PEAK1: variants seen among roughly 807,000 people sequenced by gnomAD.
PEAK1 encodes pseudopodium enriched atypical kinase 1, also known as inactive tyrosine-protein kinase PEAK1.
PEAK1 carries 54 observed loss-of-function variants against 124.7 expected under a neutral mutation model. That is an observed-to-expected ratio of 0.43 (90% CI 0.35 to 0.54). The LOEUF is 0.54. PEAK1 is among the 20% of genes least tolerant of loss of function. PEAK1 has a pLI of 0.01. For missense variants in PEAK1, 2,046 were observed against 2,134.5 expected, an observed-to-expected ratio of 0.96 and a Z score of 0.82; for synonymous variants, 719 against 760.0, an observed-to-expected ratio of 0.95 and a Z score of 0.89.
At chr15:77,136,198 T>C (rs769993815) in intron 8 of PEAK1, among the ~76,000 whole-genome samples, 25 of 152,188 alleles carry the variant, frequency 1.6e-4, no homozygotes, top group Non-Finnish European at 2.9e-4. Flanking sequence ...TGTTATGTTT[T>C]AGCAAAGAGA....
At chr15:77,340,180 A>G (rs1418790124) in intron 2 of PEAK1, among the ~76,000 whole-genome samples, 1 of 152,250 alleles carries the variant, frequency 6.6e-6, no homozygotes, top group Non-Finnish European at 1.5e-5. Flanking sequence ...GCAAATGTTT[A>G]TAGAAGTTTT....
rs547795302 is a variant in PEAK1 at position 77,417,018 on chromosome 15, T to C, written c.-666+2988A>G. ...TGGTATAAGATGTACTTTCCCTCTT[T>C]CTGGACCTAGTTAACTCTTACCTAT... On this transcript the variant is annotated intron_variant, in intron 1 of 9. Transcript: ENST00000682557. Among the ~76,000 whole-genome samples the C allele has an allele frequency of 3.9e-5, 6 of 152,266 alleles. No individual in the cohort carries two copies. In the South Asian group the frequency reaches 1.2e-3, roughly 32 times the overall value.
At chr15:77,215,156 T>C (rs777534063) in intron 6 of PEAK1, among the ~76,000 whole-genome samples, 1 of 152,222 alleles carries the variant, frequency 6.6e-6, no homozygotes, top group Non-Finnish European at 1.5e-5. Flanking sequence ...AGATAAGTGA[T>C]GTTAAGTGTC....
At chr15:77,278,093 T>C (rs2062432441) in intron 5 of PEAK1, among the ~76,000 whole-genome samples, 1 of 152,162 alleles carries the variant, frequency 6.6e-6, no homozygotes, top group Non-Finnish European at 1.5e-5. Context: ...GGGAATGCTA[T>C]ACGCTCGTGG....
chr15:77,419,831 G>T (rs919225833), intron 1 of PEAK1, among the ~76,000 whole-genome samples, 175 bp downstream of exon 1: 14 of 148,460 alleles, frequency 9.4e-5, no homozygotes, highest in Non-Finnish European at 1.5e-4. Context: ...GGACGCACCG[G>T]CCGCCAGAGC....
intron 7 of PEAK1, among the ~76,000 whole-genome samples, chr15:77,177,227 A>ATTTC (rs1369955398): frequency 6.6e-6 from 1 of 152,116 alleles, no homozygotes; most frequent in African/African-American, 2.4e-5. Flanking sequence ...AAGTGCTGGG[A>ATTTC]TTTCAGGTGT....
At chr15:77,232,200 T>C (rs981909184) in intron 6 of PEAK1, among the ~76,000 whole-genome samples, 7 of 152,130 alleles carry the variant, frequency 4.6e-5, no homozygotes, top group African/African-American at 1.4e-4. Context: ...ATCATCATGT[T>C]TTCCATTTTG....
chr15:77,202,979 G>A (rs868450994), intron 6 of PEAK1, among the ~76,000 whole-genome samples: 2 of 151,044 alleles, frequency 1.3e-5, no homozygotes, highest in Non-Finnish European at 2.9e-5. Flanking sequence ...AGAGATTGCA[G>A]TGAGCTATGA....
intron 8 of PEAK1, among the ~76,000 whole-genome samples, chr15:77,154,214 C>T (rs932995038): frequency 9.2e-5 from 14 of 152,156 alleles, no homozygotes; most frequent in African/African-American, 2.9e-4. Flanking sequence ...TCTTATTTTT[C>T]AATTGATCCC....
At chr15:77,235,097 T>C (rs139890129) in intron 6 of PEAK1, among the ~76,000 whole-genome samples, 2 of 152,192 alleles carry the variant, frequency 1.3e-5, no homozygotes, top group Admixed American at 6.5e-5. Context: ...TTCCCAGCCA[T>C]GCAAAACTGT....
chr15:77,404,723 T>A (rs1595862315), intron 1 of PEAK1: 1 of 943,542 alleles, frequency 1.1e-6, no homozygotes, highest in East Asian at 1.2e-4. Flanking sequence ...AAGTAGGAGG[T>A]AGGATTTATT....
chr15:77,402,284 T>G (rs941755216), intron 1 of PEAK1: 3 of 985,034 alleles, frequency 3.0e-6, no homozygotes, highest in Non-Finnish European at 1.2e-6. Context: ...GTAATAGAAT[T>G]GCTTTAAAAT....
chr15:77,334,186 A>C (rs1464139279), intron 2 of PEAK1: 2 of 978,482 alleles, frequency 2.0e-6, no homozygotes, highest in African/African-American at 3.5e-5. Context: ...AATATTGAGA[A>C]AGTACTGACT....
At chr15:77,154,726 A>G (rs1365060427) in intron 8 of PEAK1, among the ~76,000 whole-genome samples, 2 of 151,814 alleles carry the variant, frequency 1.3e-5, no homozygotes, top group Non-Finnish European at 2.9e-5. Flanking sequence ...AAAGTATTTT[A>G]TTTCTCCTTC....
At chr15:77,104,419 G>A (rs915021024), downstream of PEAK1, 3 of 152,562 alleles carry the variant, frequency 2.0e-5, no homozygotes, top group Non-Finnish European at 2.9e-5. Flanking sequence ...CAGGCCAGGA[G>A]CTGAAGCTGG....
intron 6 of PEAK1, among the ~76,000 whole-genome samples, chr15:77,234,707 C>G (rs2060042030): frequency 1.3e-5 from 2 of 151,918 alleles, no homozygotes; most frequent in Admixed American, 1.3e-4. Flanking sequence ...AAGATCATAG[C>G]TCACTGCAGA....
intron 2 of PEAK1, among the ~76,000 whole-genome samples, chr15:77,358,846 A>G (rs1166101995): frequency 6.6e-6 from 1 of 152,220 alleles, no homozygotes; most frequent in Non-Finnish European, 1.5e-5. Context: ...TGAACACACA[A>G]GTTGTGAAAT....
At chr15:77,320,929 G>A (rs899980701) in intron 2 of PEAK1, among the ~76,000 whole-genome samples, 4 of 151,798 alleles carry the variant, frequency 2.6e-5, no homozygotes, top group African/African-American at 7.3e-5. Flanking sequence ...TTGTCCTTGC[G>A]ACACTTTGCT....
intron 5 of PEAK1, among the ~76,000 whole-genome samples, chr15:77,252,973 G>T (rs1455307218): frequency 6.6e-6 from 1 of 152,084 alleles, no homozygotes; most frequent in Non-Finnish European, 1.5e-5. Flanking sequence ...TAGCCACTTT[G>T]CAGTTTTAGT....
Sources: allele counts gnomAD v4.1 joint callset (sites outside exome capture counted in the v4.1 genomes callset), GRCh38; gene constraint gnomAD v4.1.1; transcripts MANE v1.5; gene names NCBI Gene and HGNC (gene_info 2026-07-23, HGNC 2026-07-21).